The following NARS2 variants were observed in gnomAD, a reference collection of about 807,000 sequenced individuals.
The protein encoded by NARS2 is asparaginyl-tRNA synthetase 2, mitochondrial.
NARS2 carries 60 observed loss-of-function variants against 62.9 expected under a neutral mutation model. The ratio of observed to expected loss-of-function variants is 0.95; its 90% confidence interval spans 0.77 to 1.18. NARS2 has a LOEUF of 1.18. NARS2 is among the 50% of genes most tolerant of loss of function. NARS2 has a pLI of 0.00. For synonymous variants in NARS2, 196 were observed against 200.0 expected, an observed-to-expected ratio of 0.98 and a Z score of 0.17; for missense variants, 619 against 576.4, an observed-to-expected ratio of 1.07 and a Z score of -0.76.
chr11:78,553,816 ATC>A (rs1258376879), intron 5 of NARS2, among the ~76,000 whole-genome samples: 1 of 151,936 alleles, frequency 6.6e-6, no homozygotes, highest in Non-Finnish European at 1.5e-5. Context: ...CTGTCATGAA[ATC>A]TCTGCCAGGA....
At chr11:78,553,998 TC>T (rs1199126728) in intron 5 of NARS2, among the ~76,000 whole-genome samples, 1 of 151,954 alleles carries the variant, frequency 6.6e-6, no homozygotes, top group Non-Finnish European at 1.5e-5. Flanking sequence ...AAATAGGGAG[TC>T]TTTTCCTCAT....
chr11:78,443,155 C>T (rs1325579145), intron 12 of NARS2, among the ~76,000 whole-genome samples: 5 of 151,874 alleles, frequency 3.3e-5, no homozygotes, highest in Non-Finnish European at 7.4e-5. Flanking sequence ...GAAACTCTGT[C>T]TCTACTAAAA....
In NARS2 at chr11:78,453,172, G is replaced by A. The variant is rs1459096273; in HGVS notation, c.1165-9414C>T. ...ACTCTCCTACACAGGTAACAATGGA[G>A]ACTACAGATCATTTTCCTAAGCTTT... On this transcript the variant is annotated intron_variant, in intron 11 of 13. Coordinates refer to ENST00000281038, the MANE Select transcript of NARS2 (RefSeq NM_024678.6). Among the ~76,000 whole-genome samples, 4 of 152,184 alleles carry A rather than the reference G, an allele frequency of 2.6e-5. No homozygotes were observed. The East Asian group carries it at 7.7e-4, about 29-fold the overall frequency.
At chr11:78,478,323 A>G in intron 9 of NARS2, 115 bp downstream of exon 9, 1 of 345,852 alleles carries the variant, frequency 2.9e-6, no homozygotes, top group East Asian at 6.6e-5. Context: ...ATGTCTATAT[A>G]TATATCCTAT....
chr11:78,443,102 G>A (rs111826759), intron 12 of NARS2, among the ~76,000 whole-genome samples: 28,981 of 152,004 alleles, frequency 0.19, 3,299 homozygotes, highest in East Asian at 0.41. Context: ...GAGGCGGGCA[G>A]ATCACGAGGT....
intron 9 of NARS2, among the ~76,000 whole-genome samples, chr11:78,477,284 C>T (rs532660613): frequency 6.6e-6 from 1 of 152,256 alleles, no homozygotes; most frequent in East Asian, 1.9e-4. Flanking sequence ...AGTTGCCTAT[C>T]CAACATCTAT....
chr11:78,461,021 T>C (rs1279713164), intron 11 of NARS2, among the ~76,000 whole-genome samples: 1 of 152,190 alleles, frequency 6.6e-6, no homozygotes, highest in Admixed American at 6.5e-5. Flanking sequence ...CAGGAGGATG[T>C]GCATAGGTGA....
chr11:78,554,246 T>G (rs1856245632), intron 5 of NARS2, among the ~76,000 whole-genome samples: 1 of 152,206 alleles, frequency 6.6e-6, no homozygotes, highest in South Asian at 2.1e-4. Context: ...CTTGGCTATC[T>G]GGGCTCTGTT....
At chr11:78,553,330 C>T (rs746359138) in intron 5 of NARS2, among the ~76,000 whole-genome samples, 2 of 151,968 alleles carry the variant, frequency 1.3e-5, no homozygotes, top group Non-Finnish European at 2.9e-5. Flanking sequence ...GCTCTGTTAC[C>T]TAGGCTAGAG....
rs1168721504 is a variant in NARS2, at chr11:78,443,762, AG to A, written c.1165-5del. On this transcript the variant is annotated splice_region_variant and splice_polypyrimidine_tract_variant and intron_variant, in intron 11 of 13. Transcript: ENST00000281038. ...CCAGAAGATCAACAGCAGCAACCTAAGGAAAAAAAAAAAATTATTAGCATTA... is the reference window on the plus strand; with the variant it reads ...CCAGAAGATCAACAGCAGCAACCTAAGAAAAAAAAAAAATTATTAGCATTA... The A allele has an allele frequency of 1.3e-6, 2 of 1,598,688 alleles. No homozygotes were observed. The highest frequency in any genetic ancestry group is 1.7e-6 in the Non-Finnish European group (2 of 1,167,480).
rs755069649 is a variant in NARS2, at chr11:78,528,808, A to C, written c.689+34T>G. ...GAAGCACTCTCAACCAAACCATAAT[A>C]TATCAAAGCAAAAGAGAAAGGAAAA... On this transcript the variant is annotated intron_variant, in intron 6 of 13. Coordinates refer to ENST00000281038, the MANE Select transcript of NARS2 (RefSeq NM_024678.6). 7.1e-6 allele frequency: 10 copies of C among 1,413,892 alleles called. No homozygotes were observed. In the Admixed American group the frequency reaches 1.7e-4, roughly 24 times the overall value. 87.6% of individuals were successfully genotyped at this position (1,413,892 alleles called of 1,614,324 possible).
At chr11:78,560,710 C>T (rs980741765) in intron 4 of NARS2, among the ~76,000 whole-genome samples, 3 of 152,150 alleles carry the variant, frequency 2.0e-5, no homozygotes, top group African/African-American at 7.2e-5. Flanking sequence ...ATGATGTGGA[C>T]TGATTAAATA....
chr11:78,511,819 A>G (rs1860734353), intron 6 of NARS2, among the ~76,000 whole-genome samples: 1 of 152,244 alleles, frequency 6.6e-6, no homozygotes, highest in African/African-American at 2.4e-5. Context: ...ATACCTCAAT[A>G]AAGTTGATTA....
At chr11:78,472,679 ATAAC>A (rs1427331766) in intron 9 of NARS2, among the ~76,000 whole-genome samples, 6 of 152,352 alleles carry the variant, frequency 3.9e-5, no homozygotes, top group Non-Finnish European at 5.9e-5. Context: ...TACAGATTCA[ATAAC>A]TAACAGTGCA....
chr11:78,550,275 CCAAT>C (rs889052881), intron 5 of NARS2, among the ~76,000 whole-genome samples: 16 of 152,298 alleles, frequency 1.1e-4, no homozygotes, highest in Admixed American at 2.0e-4. Context: ...CTAATGTTAA[CCAAT>C]CAGTTACTTT....
chr11:78,488,122 C>T (rs886530053), intron 7 of NARS2, among the ~76,000 whole-genome samples: 1 of 151,656 alleles, frequency 6.6e-6, no homozygotes, highest in Non-Finnish European at 1.5e-5. Context: ...ATTCAAACAT[C>T]ACCAGAGGTT....
intron 5 of NARS2, among the ~76,000 whole-genome samples, chr11:78,547,101 G>T (rs4245460): frequency 6.6e-6 from 1 of 152,000 alleles, no homozygotes; most frequent in African/African-American, 2.4e-5. Flanking sequence ...GAGGCCATGG[G>T]GGGAGGACTG....
chr11:78,555,877 G>A (rs1220133614), intron 5 of NARS2, among the ~76,000 whole-genome samples: 1 of 152,058 alleles, frequency 6.6e-6, no homozygotes, highest in African/African-American at 2.4e-5. Context: ...CTGGTACGTT[G>A]TATCTTTGTT....
intron 6 of NARS2, among the ~76,000 whole-genome samples, chr11:78,515,163 G>A (rs1372439084): frequency 6.6e-6 from 1 of 152,172 alleles, no homozygotes; most frequent in Non-Finnish European, 1.5e-5. Context: ...TGAGACTGGG[G>A]GTAGGAGAAA....
Sources: allele counts gnomAD v4.1 joint callset (sites outside exome capture counted in the v4.1 genomes callset), GRCh38; gene constraint gnomAD v4.1.1; transcripts MANE v1.5; gene names NCBI Gene and HGNC (gene_info 2026-07-23, HGNC 2026-07-21).